Variants in LRCH1 observed in about 807,000 individuals in gnomAD.
The protein encoded by LRCH1 is leucine rich repeats and calponin homology domain containing 1, also known as leucine-rich repeat and calponin homology domain-containing protein 1.
LRCH1 carries 23 observed loss-of-function variants against 94.9 expected under a neutral mutation model. That is an observed-to-expected ratio of 0.24 (90% CI 0.17 to 0.34). The LOEUF (loss-of-function observed/expected upper bound fraction) is 0.34, where lower values mean the gene tolerates loss of function less well. LRCH1 is among the 10% of genes least tolerant of loss of function. The pLI is 1.00. For missense variants in LRCH1, 790 were observed against 945.9 expected (o/e 0.84, Z 2.16); for synonymous variants, 364 against 354.9 (o/e 1.03, Z -0.29).
At chr13:46,583,331 T>C (rs1206917519) in intron 1 of LRCH1, among the ~76,000 whole-genome samples, 1 of 152,244 alleles carries the variant, frequency 6.6e-6, no homozygotes, top group Non-Finnish European at 1.5e-5. Flanking sequence ...ACTGGCCAAA[T>C]TGAAAAGAAT....
At chr13:46,751,960 A>G (rs1021586912) in exon 19 of LRCH1, 14 of 152,324 alleles carry the variant, frequency 9.2e-5, no homozygotes, top group African/African-American at 3.4e-4. Context: ...TGCAAGATTC[A>G]CAGTCTCTGG....
chr13:46,733,487 A>G (rs1415728338), intron 18 of LRCH1, among the ~76,000 whole-genome samples: 2 of 152,204 alleles, frequency 1.3e-5, no homozygotes, highest in African/African-American at 4.8e-5. Context: ...TAGGCAAACT[A>G]AAACAGGTTA....
chr13:46,699,254 A>G, intron 9 of LRCH1, 82 bp from the exon 10 acceptor site: 1 of 1,062,930 alleles, frequency 9.4e-7, no homozygotes, highest in South Asian at 1.3e-5. Context: ...TAACGCTGTT[A>G]TAAACATGGG....
chr13:46,692,767 GTTC>G (rs939549137), intron 8 of LRCH1, 126 bp downstream of exon 8: 6 of 655,722 alleles, frequency 9.2e-6, no homozygotes, highest in African/African-American at 7.3e-5. Flanking sequence ...CAGGTACTGT[GTTC>G]TTCTGGGAAG....
intron 16 of LRCH1, among the ~76,000 whole-genome samples, chr13:46,716,515 A>G (rs926283133): frequency 6.6e-6 from 1 of 152,214 alleles, no homozygotes; most frequent in Non-Finnish European, 1.5e-5. Flanking sequence ...TTTATAGGGA[A>G]GAGTAGTGAG....
intron 1 of LRCH1, among the ~76,000 whole-genome samples, chr13:46,625,562 G>C (rs2050936089): frequency 6.6e-6 from 1 of 150,986 alleles, no homozygotes; most frequent in Non-Finnish European, 1.5e-5. Context: ...TAATCTGCTT[G>C]CTCCTTGAGC....
chr13:46,560,360 T>C (rs916830857), intron 1 of LRCH1, among the ~76,000 whole-genome samples: 4 of 152,136 alleles, frequency 2.6e-5, no homozygotes, highest in Non-Finnish European at 5.9e-5. Flanking sequence ...AAAACCTGTT[T>C]GTGAGGCCAC....
At chr13:46,620,966 T>C (rs1045406624) in intron 1 of LRCH1, among the ~76,000 whole-genome samples, 2 of 152,236 alleles carry the variant, frequency 1.3e-5, no homozygotes, top group East Asian at 1.9e-4. Flanking sequence ...GGTGTCATCG[T>C]TGGCTCTTAG....
Position 46,692,604 on chromosome 13 carries a change from C to T in LRCH1, c.1083C>T (p.Ile361=), listed in dbSNP as rs1337270239. The T allele has an allele frequency of 1.9e-6, 3 of 1,614,048 alleles. No homozygotes were observed. Among genetic ancestry groups the T allele is most frequent in the Admixed American group, 3.3e-5 (2 of 60,010 alleles). ...MSNIMEEEQI[I]KEDSCHRLSP... is the part of the protein sequence containing the mutation. ...ACATCATGGAAGAAGAACAGATCAT[C>T]AAGGAGGACTCGTGCCATCGCCTTA... The change falls in exon 8 of 20, where the codon ATC becomes ATT. Residue 361 remains isoleucine (I), a synonymous_variant. Transcript: ENST00000389797.
At chr13:46,670,269 G>A (rs6561324) in intron 3 of LRCH1, among the ~76,000 whole-genome samples, 16,379 of 152,246 alleles carry the variant, frequency 0.11, 992 homozygotes, top group East Asian at 0.23. Flanking sequence ...AAAAGTCAGC[G>A]TTGGTTAGAG....
Position 46,743,311 on chromosome 13 carries a change from C to G in LRCH1, c.*1463C>G. 1 of 985,812 alleles carries G rather than the reference C, an allele frequency of 1.0e-6. No homozygotes were observed. Among genetic ancestry groups the G allele is most frequent in the Non-Finnish European group, 1.2e-6 (1 of 829,894 alleles). The allele number at this position is 985,812 out of a possible 1,614,324, so 61.1% of individuals were successfully genotyped here. A position where few individuals can be genotyped will look rare whatever the true frequency, so the allele number is the denominator to read the frequency against. ...AGAATATATTTATAAAGATTCCTTG[C>G]TGCTAAGTCAGATCAGATTTGCTAA... On this transcript the variant is annotated 3_prime_UTR_variant, in exon 20 of 20. Coordinates refer to ENST00000389797, the MANE Select transcript of LRCH1 (RefSeq NM_001164211.2).
In LRCH1 at chr13:46,571,164, T is replaced by G. The variant is rs979880319; in HGVS notation, c.307+17461T>G. On this transcript the variant is annotated intron_variant, in intron 1 of 19. Transcript: ENST00000389797. ...CAACAATTGTTACAATATGTTAGAC[T>G]TTTGGTGATCAAAACACACCTCCAT... is the stretch of plus-strand genomic sequence containing the variant. 5.1e-4 allele frequency among the ~76,000 whole-genome samples: 78 copies of G among 152,234 alleles called. 1 individual carries two copies. The highest frequency in any genetic ancestry group is 1.6e-4 in the Non-Finnish European group (11 of 68,040).
chr13:46,574,350 T>A (rs2050277743), intron 1 of LRCH1, among the ~76,000 whole-genome samples: 1 of 151,790 alleles, frequency 6.6e-6, no homozygotes, highest in Non-Finnish European at 1.5e-5. Context: ...AATTAAAAAT[T>A]AAAAAAAATT....
chr13:46,661,862 C>T (rs765491991), intron 2 of LRCH1, among the ~76,000 whole-genome samples: 1 of 152,120 alleles, frequency 6.6e-6, no homozygotes, highest in African/African-American at 2.4e-5. Context: ...CTGTGCTCAC[C>T]TAAGTCAGTA....
intron 1 of LRCH1, among the ~76,000 whole-genome samples, chr13:46,612,411 A>G (rs1241617728): frequency 3.9e-5 from 6 of 152,230 alleles, no homozygotes; most frequent in Non-Finnish European, 2.9e-5. Context: ...TTGTAGTTTT[A>G]AATATGTATA....
At chr13:46,637,976 C>T (rs1213438915) in intron 1 of LRCH1, among the ~76,000 whole-genome samples, 1 of 152,212 alleles carries the variant, frequency 6.6e-6, no homozygotes, top group Non-Finnish European at 1.5e-5. Context: ...CTTCAGCCTC[C>T]TAAACTGTAG....
chr13:46,742,268 T>A lies in LRCH1; in HGVS notation c.*420T>A. The stretch of plus-strand genomic sequence containing the variant: ...GGTCAGTATTGAACTAGAATTCTAA[T>A]TCGGGACTGGGCAATTGAGCTGTAT... On this transcript the variant is annotated 3_prime_UTR_variant, in exon 20 of 20. Coordinates refer to ENST00000389797, the MANE Select transcript of LRCH1 (RefSeq NM_001164211.2). The A allele has an allele frequency of 2.9e-6, 3 of 1,050,766 alleles. No individual in the cohort carries two copies. Among genetic ancestry groups the A allele is most frequent in the Non-Finnish European group, 3.4e-6 (3 of 869,960 alleles). The allele number at this position is 1,050,766 out of a possible 1,614,324, so 65.1% of individuals were successfully genotyped here. A position where few individuals can be genotyped will look rare whatever the true frequency, so the allele number is the denominator to read the frequency against.
chr13:46,561,499 CA>C (rs1358123035), intron 1 of LRCH1, among the ~76,000 whole-genome samples: 2 of 152,216 alleles, frequency 1.3e-5, no homozygotes, highest in African/African-American at 4.8e-5. Context: ...TTGCTTTTGA[CA>C]GCTGACCCCT....
At position 46,669,061 on chromosome 13, in the gene LRCH1, C is replaced by G. The variant is rs41284185; in HGVS notation, c.484C>G (p.Leu162Val). ...TCAGCTGTCCGCCCTGCCTGCCTGC[C>G]TGTGTGGTCTGCCTCTCAAAGTCTT... ...RNQLSALPAC[L>V]CGLPLKVLIA... The change falls in exon 3 of 20, where the codon CTG (leucine) becomes GTG (valine). Residue 162 changes from leucine (L) to valine (V), a missense_variant. Around this residue, in one of 3 missense-constraint regions of LRCH1, gnomAD observed 194 missense variants for 293.5 expected, o/e 0.66. Transcript: ENST00000389797. 0.064 allele frequency: 103,314 copies of G among 1,614,010 alleles called. 4,021 individuals carry two copies. Among genetic ancestry groups the G allele is most frequent in the Non-Finnish European group, 0.077 (91,223 of 1,179,924 alleles).
Sources: gnomAD v4.1 joint callset for allele counts (sites outside exome capture counted in the v4.1 genomes callset) on GRCh38, gnomAD v4.1.1 for gene constraint, gnomAD v4.1.1 regional missense constraint, MANE v1.5 for transcripts, NCBI Gene and HGNC (gene_info 2026-07-23, HGNC 2026-07-21) for gene names.